PIK3C2G: variants seen among roughly 807,000 people sequenced by gnomAD.
PIK3C2G encodes the protein phosphatidylinositol-4-phosphate 3-kinase catalytic subunit type 2 gamma, also known as phosphatidylinositol 3-kinase C2 domain-containing subunit gamma.
Under a neutral mutation model 181.1 loss-of-function variants are expected in PIK3C2G, and 168 were observed. The observed-to-expected ratio is 0.93, with a 90% CI of 0.82 to 1.05. The LOEUF is 1.05. Among genes scored for constraint, PIK3C2G ranks in the 50% least tolerant of loss-of-function variants. The pLI is 0.00. For synonymous variants in PIK3C2G, 573 were observed against 592.2 expected (o/e 0.97, Z 0.47); for missense variants, 1,869 against 1,732.8 (o/e 1.08, Z -1.40).
At chr12:18,290,426 G>T (rs1949642721) in intron 3 of PIK3C2G, among the ~76,000 whole-genome samples, 1 of 152,164 alleles carries the variant, frequency 6.6e-6, no homozygotes, top group Non-Finnish European at 1.5e-5. Flanking sequence ...AAGAACAAGA[G>T]AATTTATTTG....
At chr12:18,720,723 A>G in the PIK3C2G span, among the ~76,000 whole-genome samples, 2 of 152,068 alleles carry the variant, frequency 1.3e-5, no homozygotes, top group African/African-American at 4.8e-5. Flanking sequence ...TTTTATTTCC[A>G]GGAATTTATC....
chr12:18,573,974 A>G (rs1437998629), intron 29 of PIK3C2G, among the ~76,000 whole-genome samples: 2 of 152,186 alleles, frequency 1.3e-5, no homozygotes, highest in African/African-American at 2.4e-5. Context: ...CATGTGGATC[A>G]AAAAAGGCTT....
chr12:18,357,585 T>G (rs192727681), intron 11 of PIK3C2G, among the ~76,000 whole-genome samples: 1 of 152,322 alleles, frequency 6.6e-6, no homozygotes, highest in Admixed American at 6.5e-5. Context: ...TGCTAAATAA[T>G]TTATGTTTAC....
At chr12:18,497,455 T>G (rs1486672491) in intron 21 of PIK3C2G, among the ~76,000 whole-genome samples, 164 bp from the exon 22 acceptor site, 1 of 152,158 alleles carries the variant, frequency 6.6e-6, no homozygotes, top group African/African-American at 2.4e-5. Context: ...AAAATTTTTT[T>G]TATCAGAAAC....
chr12:18,719,532 AT>A, the PIK3C2G span: 78 of 1,595,634 alleles, frequency 4.9e-5, no homozygotes, highest in Non-Finnish European at 6.7e-5. Flanking sequence ...GATGAGTCAT[AT>A]CTTGATAAAC....
intron 28 of PIK3C2G, among the ~76,000 whole-genome samples, chr12:18,564,383 G>T (rs1283187220): frequency 6.6e-6 from 1 of 150,634 alleles, no homozygotes; most frequent in Non-Finnish European, 1.5e-5. Flanking sequence ...AAAGTAAATG[G>T]TCCTTTTATG....
intron 18 of PIK3C2G, among the ~76,000 whole-genome samples, chr12:18,430,403 G>T (rs373948062): frequency 6.6e-6 from 1 of 152,124 alleles, no homozygotes; most frequent in African/African-American, 2.4e-5. Flanking sequence ...TCTTCAAAAT[G>T]TTCCTTTCAA....
chr12:18,700,921 C>T, the PIK3C2G span, among the ~76,000 whole-genome samples: 1 of 152,040 alleles, frequency 6.6e-6, no homozygotes, highest in South Asian at 2.1e-4. Context: ...TGTATCTCTG[C>T]ATCTTTTGCA....
At chr12:18,684,630 G>A in the PIK3C2G span, among the ~76,000 whole-genome samples, 1 of 152,060 alleles carries the variant, frequency 6.6e-6, no homozygotes, top group Admixed American at 6.6e-5. Flanking sequence ...CGGGGAGTCT[G>A]ACTTCAGAGC....
At chr12:18,559,921 G>GCAA (rs1409699035) in intron 26 of PIK3C2G, among the ~76,000 whole-genome samples, 4 of 146,240 alleles carry the variant, frequency 2.7e-5, no homozygotes, top group African/African-American at 1.0e-4. Flanking sequence ...TCGGCTCACT[G>GCAA]CAACCTCCAC....
chr12:18,494,419 T>C (rs1259697055), intron 20 of PIK3C2G, among the ~76,000 whole-genome samples: 1 of 152,112 alleles, frequency 6.6e-6, no homozygotes, highest in African/African-American at 2.4e-5. Context: ...GGTGTGTGTC[T>C]GTGTGTGTAC....
intron 25 of PIK3C2G, among the ~76,000 whole-genome samples, chr12:18,544,644 G>T (rs2136266837): frequency 6.6e-6 from 1 of 151,842 alleles, no homozygotes; most frequent in East Asian, 2.0e-4. Context: ...GGCAGTGGTG[G>T]CAGTGTAAAT....
chr12:18,590,337 A>G (rs1947012751), intron 29 of PIK3C2G, among the ~76,000 whole-genome samples: 1 of 151,882 alleles, frequency 6.6e-6, no homozygotes, highest in African/African-American at 2.4e-5. Flanking sequence ...TAGATATAAT[A>G]TGGGTTACCC....
intron 26 of PIK3C2G, among the ~76,000 whole-genome samples, chr12:18,558,803 C>T (rs1311672310): frequency 6.6e-6 from 1 of 152,244 alleles, no homozygotes; most frequent in Non-Finnish European, 1.5e-5. Flanking sequence ...TACCCCCATA[C>T]TTCCTCTCCT....
chr12:18,661,356 T>C, the PIK3C2G span, among the ~76,000 whole-genome samples: 1 of 131,774 alleles, frequency 7.6e-6, no homozygotes, highest in African/African-American at 2.6e-5. Context: ...ATTATAATCC[T>C]ACTGCCAAAA....
At chr12:18,362,381 G>A (rs533969950) in intron 11 of PIK3C2G, among the ~76,000 whole-genome samples, 40 of 152,168 alleles carry the variant, frequency 2.6e-4, no homozygotes, top group Non-Finnish European at 4.9e-4. Flanking sequence ...CAGAAGTTGA[G>A]AGTTTCTTTC....
chr12:18,383,935 C>G (rs1453528737), intron 14 of PIK3C2G, among the ~76,000 whole-genome samples: 1 of 151,402 alleles, frequency 6.6e-6, no homozygotes, highest in Non-Finnish European at 1.5e-5. Flanking sequence ...TCCCAAGTAG[C>G]TGGAACCACA....
intron 29 of PIK3C2G, among the ~76,000 whole-genome samples, chr12:18,569,415 T>TAATA (rs1188730734): frequency 6.6e-6 from 1 of 152,076 alleles, no homozygotes; most frequent in Non-Finnish European, 1.5e-5. Flanking sequence ...AATAATAGAA[T>TAATA]GACTGGTTTT....
At chr12:18,616,880 T>A (rs979717200) in intron 31 of PIK3C2G, among the ~76,000 whole-genome samples, 5 of 152,116 alleles carry the variant, frequency 3.3e-5, no homozygotes, top group African/African-American at 1.2e-4. Flanking sequence ...ATGCAAAAAA[T>A]ACAAAATGGA....
Sources: allele counts gnomAD v4.1 joint callset (sites outside exome capture counted in the v4.1 genomes callset), GRCh38; gene constraint gnomAD v4.1.1; transcripts MANE v1.5; gene names NCBI Gene and HGNC (gene_info 2026-07-23, HGNC 2026-07-21).